The following POU2F1 variants were observed in gnomAD, a reference collection of about 807,000 sequenced individuals.
The protein encoded by POU2F1 is POU domain, class 2, transcription factor 1.
POU2F1 carries 16 observed loss-of-function variants against 84.9 expected under a neutral mutation model. The observed-to-expected ratio is 0.19, with a 90% CI of 0.13 to 0.29. POU2F1 has a LOEUF of 0.29. Ranked by LOEUF, POU2F1 falls within the 10% of genes least tolerant of loss-of-function variation. The probability of loss-of-function intolerance (pLI) is 1.00; values close to 1 mark genes in which losing one functional copy is unlikely to be tolerated. For missense variants in POU2F1, 738 were observed against 942.6 expected (o/e 0.78, Z 2.84); for synonymous variants, 368 against 368.3 (o/e 1.00, Z 0.01).
intron 13 of POU2F1, among the ~76,000 whole-genome samples, chr1:167,402,501 T>G (rs1006004013): frequency 6.6e-6 from 1 of 152,222 alleles, no homozygotes; most frequent in African/African-American, 2.4e-5. Flanking sequence ...TTTGCTTATG[T>G]TAAACAGTAC....
intron 1 of POU2F1, among the ~76,000 whole-genome samples, chr1:167,296,272 A>G (rs1412768285): frequency 2.0e-5 from 3 of 152,130 alleles, no homozygotes; most frequent in East Asian, 1.9e-4. Context: ...ATCTTCATTC[A>G]TATTTGTCTA....
chr1:167,371,877 A>G (rs1450092994), intron 4 of POU2F1, 40 bp from the exon 5 acceptor site: 5 of 1,612,426 alleles, frequency 3.1e-6, no homozygotes, highest in South Asian at 1.1e-5. Context: ...CTTTTAATCA[A>G]CCATTTGCAA....
chr1:167,317,411 G>C (rs1655982185), intron 1 of POU2F1, among the ~76,000 whole-genome samples: 1 of 152,208 alleles, frequency 6.6e-6, no homozygotes, highest in East Asian at 1.9e-4. Flanking sequence ...AGTGGCGCTA[G>C]AGGAATTAAA....
intron 2 of POU2F1, among the ~76,000 whole-genome samples, chr1:167,356,764 G>A (rs1044171086): frequency 5.9e-5 from 9 of 152,194 alleles, no homozygotes; most frequent in African/African-American, 2.2e-4. Flanking sequence ...AGCAGGCACC[G>A]AGGTCAAGTG....
At chr1:167,309,001 CTTATCCAGA>C (rs1462230332) in intron 1 of POU2F1, among the ~76,000 whole-genome samples, 1 of 151,308 alleles carries the variant, frequency 6.6e-6, no homozygotes, top group African/African-American at 2.4e-5. Flanking sequence ...TTTTTTTTTC[CTTATCCAGA>C]TTGTCTAAAA....
chr1:167,237,746 G>GTATA lies in POU2F1; in HGVS notation c.61+16812_61+16815dup, dbSNP rs58988722. Among the ~76,000 whole-genome samples, 119 of 72,950 alleles carry GTATA rather than the reference G, an allele frequency of 1.6e-3. 1 individual carries two copies. Among genetic ancestry groups the GTATA allele is most frequent in the African/African-American group, 6.0e-3 (112 of 18,598 alleles). 47.9% of individuals were successfully genotyped at this position (72,950 alleles called of 152,430 possible). ...TTTTTAAATCCATATATGTGTGTGT[G>GTATA]TATATATATATATATATATATATAT... On this transcript the variant is annotated intron_variant, in intron 1 of 15. Coordinates refer to ENST00000367866, the MANE Select transcript of POU2F1 (RefSeq NM_002697.4).
chr1:167,400,172 A>T (rs1195465989), intron 12 of POU2F1, among the ~76,000 whole-genome samples: 1 of 147,344 alleles, frequency 6.8e-6, no homozygotes, highest in African/African-American at 2.5e-5. Context: ...TTTTTAGTTG[A>T]GACCAGGGTT....
intron 2 of POU2F1, among the ~76,000 whole-genome samples, chr1:167,361,838 T>C (rs1450874668): frequency 6.6e-6 from 1 of 152,196 alleles, no homozygotes; most frequent in Non-Finnish European, 1.5e-5. Flanking sequence ...ACTGATTTCG[T>C]TTAATTACTC....
intron 1 of POU2F1, among the ~76,000 whole-genome samples, chr1:167,331,232 T>C (rs1398226586): frequency 1.3e-5 from 2 of 152,074 alleles, no homozygotes; most frequent in Non-Finnish European, 2.9e-5. Context: ...TTTACTGTAT[T>C]GGAAAAGCTA....
intron 10 of POU2F1, 77 bp from the exon 11 acceptor site, chr1:167,397,917 G>A (rs1290581179): frequency 2.3e-5 from 32 of 1,409,800 alleles, no homozygotes; most frequent in Non-Finnish European, 2.8e-5. Flanking sequence ...TGTCAGTTTT[G>A]TTGTTAATAT....
chr1:167,302,800 A>G (rs1251815503), intron 1 of POU2F1, among the ~76,000 whole-genome samples: 2 of 152,194 alleles, frequency 1.3e-5, no homozygotes, highest in African/African-American at 4.8e-5. Context: ...AATCAAAAAT[A>G]GCTATAATAG....
At chr1:167,270,556 A>C (rs1257614584) in intron 1 of POU2F1, among the ~76,000 whole-genome samples, 5 of 152,202 alleles carry the variant, frequency 3.3e-5, no homozygotes, top group Non-Finnish European at 7.3e-5. Context: ...ACAGAGAGAG[A>C]GAGACAGACA....
At chr1:167,343,602 T>C (rs1657998712) in intron 2 of POU2F1, among the ~76,000 whole-genome samples, 1 of 147,074 alleles carries the variant, frequency 6.8e-6, no homozygotes, top group African/African-American at 2.5e-5. Flanking sequence ...CATCCTGGCA[T>C]AGAGCAATGG....
At chr1:167,413,974 A>G (rs1650140233) in intron 15 of POU2F1, among the ~76,000 whole-genome samples, 2 of 151,594 alleles carry the variant, frequency 1.3e-5, no homozygotes, top group Admixed American at 1.3e-4. Flanking sequence ...GTAACACAGT[A>G]AGACCCTGTT....
intron 1 of POU2F1, among the ~76,000 whole-genome samples, chr1:167,267,876 A>G (rs1222152255): frequency 6.6e-6 from 1 of 151,904 alleles, no homozygotes; most frequent in African/African-American, 2.4e-5. Context: ...TCCTGACCTC[A>G]TGATCTGCCT....
intron 1 of POU2F1, among the ~76,000 whole-genome samples, chr1:167,228,932 C>T (rs993114255): frequency 2.0e-5 from 3 of 152,072 alleles, no homozygotes; most frequent in African/African-American, 7.2e-5. Flanking sequence ...TTCAGGCAAG[C>T]GTTACTATAC....
intron 1 of POU2F1, among the ~76,000 whole-genome samples, chr1:167,228,374 G>C (rs1001487221): frequency 6.6e-6 from 1 of 152,168 alleles, no homozygotes; most frequent in Non-Finnish European, 1.5e-5. Context: ...AATTACTGTA[G>C]GTGCTACTAG....
intron 1 of POU2F1, among the ~76,000 whole-genome samples, chr1:167,240,940 CGA>C (rs1649854090): frequency 6.6e-6 from 1 of 151,976 alleles, no homozygotes; most frequent in Non-Finnish European, 1.5e-5. Context: ...GTTGGGAGTT[CGA>C]GACTAGCCTG....
At chr1:167,290,238 A>C (rs1318052026) in intron 1 of POU2F1, among the ~76,000 whole-genome samples, 3 of 152,088 alleles carry the variant, frequency 2.0e-5, no homozygotes, top group Non-Finnish European at 4.4e-5. Context: ...AAAAAATACA[A>C]AAATCAGCCC....
Sources: gnomAD v4.1 joint callset for allele counts (sites outside exome capture counted in the v4.1 genomes callset) on GRCh38, gnomAD v4.1.1 for gene constraint, MANE v1.5 for transcripts, NCBI Gene and HGNC (gene_info 2026-07-23, HGNC 2026-07-21) for gene names.